Variants in DIP2A observed in about 807,000 individuals in gnomAD.
The protein encoded by DIP2A is DIP2 acetate--CoA ligase A, also known as disco-interacting protein 2 homolog A.
In DIP2A, 85 loss-of-function variants were observed where a neutral mutation model predicts 177.4. The ratio of observed to expected loss-of-function variants is 0.48; its 90% CI spans 0.40 to 0.57. DIP2A has a LOEUF of 0.57. Ranked by LOEUF, DIP2A falls within the 20% of genes least tolerant of loss-of-function variation. The probability of loss-of-function intolerance (pLI) is 0.00; values close to 1 mark genes in which losing one functional copy is unlikely to be tolerated. For synonymous variants in DIP2A, 886 were observed against 881.8 expected (o/e 1.00, Z -0.08); for missense variants, 1,791 against 2,100.2 (o/e 0.85, Z 2.88).
In DIP2A at chr21:46,557,370, C is replaced by T. The variant is rs2060504369; in HGVS notation, c.3630-215C>T. The T allele has an allele frequency of 6.0e-6, 4 of 665,478 alleles. No homozygotes were observed. The highest frequency in any genetic ancestry group is 7.5e-6 in the Non-Finnish European group (3 of 400,602). 41.2% of individuals were successfully genotyped at this position (665,478 alleles called of 1,614,324 possible). On this transcript the variant is annotated intron_variant, in intron 30 of 37. Transcript: ENST00000417564. This position sits in a 1 kb window ranked among gnomAD's most constrained non-coding sequence, Gnocchi z 6.0. Reference sequence around the variant, plus strand: ...CTCTGGAGTGGTGTCCCCGGATCCTCTCCAAGTGTTCGGAGCAGAGCTCAG... The same window carrying T: ...CTCTGGAGTGGTGTCCCCGGATCCTTTCCAAGTGTTCGGAGCAGAGCTCAG...
intron 8 of DIP2A, among the ~76,000 whole-genome samples, chr21:46,520,485 GA>G (rs2058777110): frequency 6.6e-6 from 1 of 152,334 alleles, no homozygotes; most frequent in African/African-American, 2.4e-5. Context: ...TGAGAGTCCT[GA>G]AAGTTTTTCC....
downstream of DIP2A, among the ~76,000 whole-genome samples, chr21:46,572,065 G>GAT: frequency 6.6e-6 from 1 of 152,016 alleles, no homozygotes; most frequent in Non-Finnish European, 1.5e-5. Context: ...ATTATTTTGA[G>GAT]ATATGGTCCA....
intron 26 of DIP2A, 43 bp downstream of exon 26, chr21:46,554,335 C>CA (rs756288466): frequency 6.2e-7 from 1 of 1,609,054 alleles, no homozygotes; most frequent in Admixed American, 1.7e-5. Context: ...TCTTTGTAAG[C>CA]AGCCTCCTAT....
chr21:46,551,261 G>GT (rs899320730), intron 23 of DIP2A, among the ~76,000 whole-genome samples: 32 of 151,862 alleles, frequency 2.1e-4, no homozygotes, highest in South Asian at 1.2e-3. Context: ...ACATGCCAAA[G>GT]TTTTTTTTTA....
intron 21 of DIP2A, chr21:46,547,260 A>C: frequency 2.3e-6 from 3 of 1,293,540 alleles, no homozygotes; most frequent in Non-Finnish European, 3.0e-6. Flanking sequence ...TCCTTAAGAA[A>C]ATAAGGTTTT....
chr21:46,513,264 A>G (rs58658546), intron 8 of DIP2A, among the ~76,000 whole-genome samples: 7,085 of 152,200 alleles, frequency 0.047, 531 homozygotes, highest in African/African-American at 0.16. Context: ...TTAATTTTGT[A>G]TATTGTTGGA....
At chr21:46,477,633 C>G (rs1224200541) in intron 1 of DIP2A, among the ~76,000 whole-genome samples, 1 of 143,886 alleles carries the variant, frequency 6.9e-6, no homozygotes, top group Non-Finnish European at 1.5e-5. Flanking sequence ...GAGTACAGTG[C>G]CACTATCTCG....
chr21:46,469,946 AAGAT>A (rs1022955110), intron 1 of DIP2A, among the ~76,000 whole-genome samples: 28 of 152,348 alleles, frequency 1.8e-4, no homozygotes, highest in African/African-American at 5.3e-4. Flanking sequence ...TTTGAAAAAA[AAGAT>A]AGAATTCAAG....
In DIP2A at chr21:46,504,376, C is replaced by T; in HGVS notation, c.671C>T (p.Pro224Leu). 1 of 1,613,902 alleles carries T rather than the reference C, an allele frequency of 6.2e-7. No homozygotes were observed. Among genetic ancestry groups the T allele is most frequent in the Non-Finnish European group, 8.5e-7 (1 of 1,179,836 alleles). ...TCAAAAGCAGATCTGCATTCTGCCC[C>T]TCCTGATGTCACCACGGGCCTCGTG... is the stretch of plus-strand genomic sequence containing the variant. Reference protein sequence around the residue: ...AHTHIDLHSAPPDVTTGLVEH... With the variant: ...AHTHIDLHSALPDVTTGLVEH... The change falls in exon 6 of 38, where the codon CCT (proline) becomes CTT (leucine). Residue 224 changes from proline to leucine, a missense_variant. Transcript: ENST00000417564.
chr21:46,535,155 A>G (rs2059511602), intron 13 of DIP2A, among the ~76,000 whole-genome samples: 1 of 152,242 alleles, frequency 6.6e-6, no homozygotes, highest in South Asian at 2.1e-4. Flanking sequence ...TGTCATGGAT[A>G]TAAATATATA....
chr21:46,512,402 C>A (rs1403045682), intron 8 of DIP2A, among the ~76,000 whole-genome samples: 1 of 152,140 alleles, frequency 6.6e-6, no homozygotes, highest in East Asian at 1.9e-4. Flanking sequence ...AGTTTTCACT[C>A]CCACAGGCAG....
rs1433763379 is a variant in DIP2A, at chr21:46,498,641, A to G, written c.463A>G (p.Thr155Ala). Residue 155 changes from threonine to alanine, a missense_variant, in exon 5 of 38, where the codon ACT becomes GCT. Coordinates refer to ENST00000417564, the MANE Select transcript of DIP2A (RefSeq NM_015151.4). The surrounding 1 kb of genome is among the most constrained non-coding windows in gnomAD (Gnocchi z 4.3). ...ACGGCGACCCGGGCGACTCACCTCC[A>G]CTCCGCTCCAGAGCCATTCCAGCGT... is the stretch of plus-strand genomic sequence containing the variant. Reference protein sequence around the residue: ...SLRRPGRLTSTPLQSHSSVEP... With the variant: ...SLRRPGRLTSAPLQSHSSVEP... 2 of 1,612,884 alleles carry G rather than the reference A, an allele frequency of 1.2e-6. No individual in the cohort carries two copies. The highest frequency in any genetic ancestry group is 1.7e-6 in the Non-Finnish European group (2 of 1,179,712).
At chr21:46,477,543 T>TTTTTGTGTGTGTGTGTGTG (rs374607636) in intron 1 of DIP2A, among the ~76,000 whole-genome samples, 1 of 87,094 alleles carries the variant, frequency 1.1e-5, no homozygotes, top group African/African-American at 4.3e-5. Flanking sequence ...AAAAAAAGAT[T>TTTTTGTGTGTGTGTGTGTG]TGTGTGTGTG....
chr21:46,533,940 T>G (rs2059452887), intron 11 of DIP2A, 64 bp from the exon 12 acceptor site: 5 of 1,398,876 alleles, frequency 3.6e-6, no homozygotes, highest in Non-Finnish European at 5.0e-6. Flanking sequence ...AGGCGCAGGC[T>G]TCGAGTGTGG....
rs1282620142 is a variant in DIP2A at position 46,557,567 on chromosome 21, G to T, written c.3630-18G>T. The stretch of plus-strand genomic sequence containing the variant: ...GCTGGGTGGGCGGGCGGAGCCTCAC[G>T]AGCCTTCCCTCTCGCAGTGTCTACT... On this transcript the variant is annotated intron_variant, in intron 30 of 37. Transcript: ENST00000417564. This position sits in a 1 kb window ranked among gnomAD's most constrained non-coding sequence, Gnocchi z 6.0. The T allele has an allele frequency of 9.4e-6, 15 of 1,594,618 alleles. No individual in the cohort carries two copies. In the Admixed American group the frequency reaches 2.3e-4, roughly 25 times the overall value.
In DIP2A at chr21:46,554,938, G is replaced by A. The variant is rs756847250; in HGVS notation, c.3388+5G>A. ...GGCCCACCATCCTAGACACAGGTGC[G>A]TGTCCTCGCACTGCCCAGGACCAGT... is the stretch of plus-strand genomic sequence containing the variant. On this transcript the variant is annotated splice_donor_5th_base_variant and intron_variant, in intron 28 of 37. Transcript: ENST00000417564. 2.6e-5 allele frequency: 41 copies of A among 1,550,700 alleles called. No homozygotes were observed. The highest frequency in any genetic ancestry group is 3.1e-5 in the Non-Finnish European group (36 of 1,147,022).
At chr21:46,497,632 T>C (rs1048992034) in intron 4 of DIP2A, among the ~76,000 whole-genome samples, 4 of 152,264 alleles carry the variant, frequency 2.6e-5, no homozygotes, top group Non-Finnish European at 5.9e-5. Context: ...TATTTTAGTC[T>C]TCCTGTTAAA....
intron 7 of DIP2A, among the ~76,000 whole-genome samples, chr21:46,510,527 C>T (rs1054194263): frequency 1.3e-5 from 2 of 151,588 alleles, no homozygotes; most frequent in African/African-American, 4.8e-5. Context: ...ACCACTTGGG[C>T]AAATTTTGGT....
intron 17 of DIP2A, among the ~76,000 whole-genome samples, chr21:46,540,960 A>G (rs2059791358): frequency 6.6e-6 from 1 of 150,820 alleles, no homozygotes; most frequent in African/African-American, 2.4e-5. Flanking sequence ...GGTTGCAATG[A>G]GCCAAGATCA....
Sources: gnomAD v4.1 joint callset for allele counts (sites outside exome capture counted in the v4.1 genomes callset) on GRCh38, gnomAD v4.1.1 for gene constraint, Gnocchi (gnomAD v3.1) non-coding constraint, MANE v1.5 for transcripts, NCBI Gene and HGNC (gene_info 2026-07-23, HGNC 2026-07-21) for gene names.